Variants in STK38L observed in about 807,000 individuals in gnomAD.
STK38L encodes the protein serine/threonine-protein kinase 38-like.
STK38L carries 28 observed loss-of-function variants against 59.7 expected under a neutral mutation model. That is an observed-to-expected ratio of 0.47 (90% CI 0.35 to 0.64). STK38L has a LOEUF of 0.64. Among genes scored for constraint, STK38L ranks in the 30% least tolerant of loss-of-function variants. The probability of loss-of-function intolerance (pLI) is 0.01; values close to 1 mark genes in which losing one functional copy is unlikely to be tolerated. For synonymous variants in STK38L, 162 were observed against 176.8 expected, an observed-to-expected ratio of 0.92 and a Z score of 0.66; for missense variants, 314 against 555.8, an observed-to-expected ratio of 0.56 and a Z score of 4.37.
chr12:27,276,564 C>T (rs1327492501), intron 1 of STK38L, among the ~76,000 whole-genome samples: 1 of 151,834 alleles, frequency 6.6e-6, no homozygotes, highest in African/African-American at 2.4e-5. Flanking sequence ...GGAAGAAAAG[C>T]AATGGTGATT....
In STK38L at chr12:27,322,672, A is replaced by G; in HGVS notation, c.*217A>G. 2.3e-6 allele frequency: 1 copy of G among 441,070 alleles called. No individual in the cohort carries two copies. The highest frequency in any genetic ancestry group is 3.8e-6 in the Non-Finnish European group (1 of 264,394). The allele number at this position is 441,070 out of a possible 1,614,324, so 27.3% of individuals were successfully genotyped here. On this transcript the variant is annotated 3_prime_UTR_variant, in exon 14 of 14. Transcript: ENST00000389032. ...TTTTAATATTTTATTATTTTTGTTA[A>G]CTTTATTATATGAAGGTACTGGAAT...
At chr12:27,246,704 T>G (rs1942861786) in intron 1 of STK38L, among the ~76,000 whole-genome samples, 2 of 152,096 alleles carry the variant, frequency 1.3e-5, no homozygotes, top group African/African-American at 4.8e-5. Context: ...AAATTTTTGT[T>G]TAAGTCTTAA....
chr12:27,308,886 A>G lies in STK38L; in HGVS notation c.310-228A>G, dbSNP rs1316069287. ...TATATATAAATATAAATATATATAA[A>G]TGTAAATATATAAATATATATAAAT... On this transcript the variant is annotated intron_variant, in intron 4 of 13. Transcript: ENST00000389032. The surrounding 1 kb of genome is among the most constrained non-coding windows in gnomAD (Gnocchi z 4.5). Among the ~76,000 whole-genome samples the G allele has an allele frequency of 1.4e-5, 2 of 146,232 alleles. No individual in the cohort carries two copies. The highest frequency in any genetic ancestry group is 6.9e-5 in the Admixed American group (1 of 14,556).
At chr12:27,300,160 T>G (rs1454979662) in intron 2 of STK38L, among the ~76,000 whole-genome samples, 1 of 152,200 alleles carries the variant, frequency 6.6e-6, no homozygotes, top group Non-Finnish European at 1.5e-5. Flanking sequence ...TAGTCTCAGC[T>G]TGGTGCCACT....
At chr12:27,266,371 C>T (rs1199709605) in intron 1 of STK38L, among the ~76,000 whole-genome samples, 2 of 152,134 alleles carry the variant, frequency 1.3e-5, no homozygotes, top group African/African-American at 4.8e-5. Flanking sequence ...AGTGGAAAAA[C>T]TTTTTAATGG....
rs1331972422 is a variant in STK38L at position 27,323,119 on chromosome 12, C to G, written c.*664C>G. 6.6e-6 allele frequency: 1 copy of G among 152,228 alleles called. No homozygotes were observed. The highest frequency in any genetic ancestry group is 1.5e-5 in the Non-Finnish European group (1 of 68,038). The allele number at this position is 152,228 out of a possible 1,614,324, so 9.4% of individuals were successfully genotyped here. ...GAAGACAAAGTTTAACACCTTCACT[C>G]AAGCACTCCACTAATATATTTACGT... On this transcript the variant is annotated 3_prime_UTR_variant, in exon 14 of 14. Coordinates refer to ENST00000389032, the MANE Select transcript of STK38L (RefSeq NM_015000.4).
chr12:27,264,302 A>C (rs1943259150), intron 1 of STK38L, among the ~76,000 whole-genome samples: 1 of 152,222 alleles, frequency 6.6e-6, no homozygotes, highest in Non-Finnish European at 1.5e-5. Context: ...CAGTGCCATT[A>C]GTAACATTAA....
intron 5 of STK38L, among the ~76,000 whole-genome samples, chr12:27,311,587 T>C (rs1416911351): frequency 1.4e-5 from 2 of 145,594 alleles, no homozygotes; most frequent in East Asian, 3.8e-4. Flanking sequence ...TTATCCAGTT[T>C]ATAAAATTTT....
At chr12:27,311,735 T>A (rs1197807631) in intron 5 of STK38L, among the ~76,000 whole-genome samples, 1 of 146,738 alleles carries the variant, frequency 6.8e-6, no homozygotes, top group African/African-American at 2.5e-5. Flanking sequence ...ATTATAACAA[T>A]AATATAACAT....
chr12:27,266,246 A>G (rs1346723173), intron 1 of STK38L, among the ~76,000 whole-genome samples: 7 of 152,188 alleles, frequency 4.6e-5, no homozygotes, highest in East Asian at 1.9e-4. Flanking sequence ...ATCTTTTCCT[A>G]TAGTAATAAA....
intron 1 of STK38L, among the ~76,000 whole-genome samples, chr12:27,253,844 A>T (rs1196232322): frequency 6.6e-6 from 1 of 152,196 alleles, no homozygotes; most frequent in Non-Finnish European, 1.5e-5. Flanking sequence ...GGACAGGAGC[A>T]ATGAACTTTT....
At position 27,270,737 on chromosome 12, in the gene STK38L, C is replaced by A. The variant is rs370591099; in HGVS notation, c.-12+26405C>A. Among the ~76,000 whole-genome samples the A allele has an allele frequency of 9.8e-4, 149 of 152,194 alleles. 3 individuals are homozygous for A. The South Asian group carries it at 0.027, about 27-fold the overall frequency. The stretch of plus-strand genomic sequence containing the variant: ...CTTTGTTGCCCAGGCTGGTCTTGAA[C>A]TCCTGGGCTTAAGGGATCCTCCCAC... On this transcript the variant is annotated intron_variant, in intron 1 of 13. Transcript: ENST00000389032.
chr12:27,298,269 C>A, intron 2 of STK38L: 1 of 154,730 alleles, frequency 6.5e-6, no homozygotes, highest in Non-Finnish European at 1.4e-5. Context: ...GAAACCCCAT[C>A]TCTACTGAAA....
chr12:27,268,962 G>T (rs187905397), intron 1 of STK38L, among the ~76,000 whole-genome samples: 1,890 of 152,164 alleles, frequency 0.012, 48 homozygotes, highest in African/African-American at 0.043. Flanking sequence ...TTTTTGATGG[G>T]GTTGTTTGTT....
chr12:27,249,500 G>T (rs2136599568), intron 1 of STK38L, among the ~76,000 whole-genome samples: 1 of 152,242 alleles, frequency 6.6e-6, no homozygotes, highest in East Asian at 1.9e-4. Flanking sequence ...ACCATGCCTG[G>T]CTAAGTTTTG....
intron 10 of STK38L, chr12:27,317,657 C>T (rs761639478): frequency 5.2e-5 from 37 of 705,172 alleles, no homozygotes; most frequent in Non-Finnish European, 8.2e-5. Context: ...TTAACCCAAA[C>T]TCCCACGTAT....
chr12:27,317,545 T>C, intron 10 of STK38L, 92 bp downstream of exon 10: 2 of 1,061,808 alleles, frequency 1.9e-6, no homozygotes, highest in Admixed American at 2.3e-5. Context: ...ACTAAAATAT[T>C]TGAAGTCTTT....
intron 1 of STK38L, among the ~76,000 whole-genome samples, chr12:27,284,897 G>A (rs573608691): frequency 3.3e-5 from 5 of 152,282 alleles, no homozygotes; most frequent in African/African-American, 1.2e-4. Flanking sequence ...GTTTTCTCAT[G>A]GTTGCGGAAG....
In STK38L at chr12:27,322,612, A is replaced by G; in HGVS notation, c.*157A>G. 1 of 1,037,130 alleles carries G rather than the reference A, an allele frequency of 9.6e-7. No individual in the cohort carries two copies. The highest frequency in any genetic ancestry group is 1.3e-6 in the Non-Finnish European group (1 of 767,784). The allele number at this position is 1,037,130 out of a possible 1,614,324, so 64.2% of individuals were successfully genotyped here. On this transcript the variant is annotated 3_prime_UTR_variant, in exon 14 of 14. Coordinates refer to ENST00000389032, the MANE Select transcript of STK38L (RefSeq NM_015000.4). The stretch of plus-strand genomic sequence containing the variant: ...CAGGATTAGGATTTCTAAGACTACT[A>G]TAGGAATTGGTTGGCAGTGCCAGCT...
Sources: gnomAD v4.1 joint callset for allele counts (sites outside exome capture counted in the v4.1 genomes callset) on GRCh38, gnomAD v4.1.1 for gene constraint, Gnocchi (gnomAD v3.1) non-coding constraint, MANE v1.5 for transcripts, NCBI Gene and HGNC (gene_info 2026-07-23, HGNC 2026-07-21) for gene names.